The following DCLK3 variants were observed in gnomAD, a reference collection of about 807,000 sequenced individuals.
The protein encoded by DCLK3 is serine/threonine-protein kinase DCLK3.
DCLK3 carries 30 observed loss-of-function variants against 46.4 expected under a neutral mutation model. The observed-to-expected ratio is 0.65, with a 90% CI of 0.48 to 0.88. DCLK3 has a LOEUF of 0.88. DCLK3 is among the 40% of genes least tolerant of loss of function. The pLI, the probability that DCLK3 is intolerant of heterozygous loss-of-function variation, is 0.00. For synonymous variants in DCLK3, 401 were observed against 339.2 expected (o/e 1.18, Z -2.00); for missense variants, 846 against 907.1 (o/e 0.93, Z 0.87).
chr3:36,726,559 C>T (rs1322901109), intron 2 of DCLK3, among the ~76,000 whole-genome samples: 2 of 152,122 alleles, frequency 1.3e-5, no homozygotes, highest in African/African-American at 4.8e-5. Context: ...CAGCCATGGG[C>T]AACACCTAGA....
intron 2 of DCLK3, among the ~76,000 whole-genome samples, chr3:36,724,486 T>C (rs1024718428): frequency 6.6e-6 from 1 of 152,186 alleles, no homozygotes; most frequent in Admixed American, 6.5e-5. Context: ...TCATCTTGAA[T>C]TGTAACTCCC....
chr3:36,748,791 T>C (rs976102733), intron 1 of DCLK3, among the ~76,000 whole-genome samples: 1 of 152,186 alleles, frequency 6.6e-6, no homozygotes, highest in African/African-American at 2.4e-5. Flanking sequence ...TTTGTCACAT[T>C]GTGCCTTTGG....
At chr3:36,721,439 A>G in intron 3 of DCLK3, 88 bp downstream of exon 3, 2 of 1,517,940 alleles carry the variant, frequency 1.3e-6, no homozygotes, top group East Asian at 2.3e-5. Context: ...TCTGAGATTT[A>G]TTCCATATTG....
chr3:36,727,120 T>TA (rs1403979826), intron 2 of DCLK3, among the ~76,000 whole-genome samples: 3 of 151,742 alleles, frequency 2.0e-5, no homozygotes, highest in African/African-American at 7.3e-5. Flanking sequence ...CCATCTCTAC[T>TA]AAAAATACAA....
rs536974652 is a variant in DCLK3, at chr3:36,758,704, A to G, written c.82+5478T>C. ...ATTACCCAGGCTCAGGTGTTTTCCT[A>G]TGGCAGCACAAACAGACTGAGACAG... On this transcript the variant is annotated intron_variant, in intron 1 of 4. Coordinates refer to ENST00000636136, the MANE Select transcript of DCLK3 (RefSeq NM_001394672.2). 4.6e-5 allele frequency among the ~76,000 whole-genome samples: 7 copies of G among 152,362 alleles called. No homozygotes were observed. In the East Asian group the frequency reaches 1.2e-3, roughly 25 times the overall value.
chr3:36,741,728 C>T (rs1214211928), intron 1 of DCLK3, among the ~76,000 whole-genome samples: 2 of 152,106 alleles, frequency 1.3e-5, no homozygotes, highest in East Asian at 1.9e-4. Context: ...GAGAGGAAGA[C>T]ACTGGTAACA....
In DCLK3 at chr3:36,738,714, G is replaced by A; in HGVS notation, c.453C>T (p.Gly151=). ...DRVRKLFNLK[G]REIRSVSDFF... is the part of the protein sequence containing the mutation. ...AATCAGAGACGCTCCTGATTTCCCTGCCCTTGAGGTTAAACAGTTTCCTCA... is the reference window on the plus strand; with the variant it reads ...AATCAGAGACGCTCCTGATTTCCCTACCCTTGAGGTTAAACAGTTTCCTCA... Residue 151 remains glycine, a synonymous_variant, in exon 2 of 5, where the codon GGC becomes GGT. Coordinates refer to ENST00000636136, the MANE Select transcript of DCLK3 (RefSeq NM_001394672.2). 3.0e-6 allele frequency: 4 copies of A among 1,320,132 alleles called. No homozygotes were observed. The highest frequency in any genetic ancestry group is 2.8e-5 in the East Asian group (1 of 35,756). The allele number at this position is 1,320,132 out of a possible 1,614,324, so 81.8% of individuals were successfully genotyped here.
intron 2 of DCLK3, among the ~76,000 whole-genome samples, chr3:36,724,775 T>C (rs1701105250): frequency 6.6e-6 from 1 of 152,158 alleles, no homozygotes; most frequent in Non-Finnish European, 1.5e-5. Context: ...CTCAGGTATC[T>C]CTTTATCAGC....
chr3:36,736,738 C>T (rs76995199), intron 2 of DCLK3, among the ~76,000 whole-genome samples: 2 of 152,294 alleles, frequency 1.3e-5, no homozygotes, highest in African/African-American at 4.8e-5. Context: ...CCAGCCTCAT[C>T]GGCACTCCTT....
intron 2 of DCLK3, among the ~76,000 whole-genome samples, chr3:36,736,055 G>C (rs73824467): frequency 6.6e-6 from 1 of 152,196 alleles, no homozygotes; most frequent in Admixed American, 6.5e-5. Context: ...TCCTGACAAA[G>C]ACCTCCTGGC....
intron 1 of DCLK3, among the ~76,000 whole-genome samples, chr3:36,753,555 C>T (rs1701461737): frequency 1.3e-5 from 2 of 152,200 alleles, no homozygotes; most frequent in South Asian, 4.1e-4. Flanking sequence ...GAAGCCTCTG[C>T]CGTTTTTGCC....
chr3:36,749,076 C>T (rs953617648), intron 1 of DCLK3, among the ~76,000 whole-genome samples: 4 of 152,206 alleles, frequency 2.6e-5, no homozygotes, highest in African/African-American at 9.7e-5. Context: ...GGGGCTTCAT[C>T]GCTCACTCAG....
At chr3:36,742,732 A>C (rs1321642749) in intron 1 of DCLK3, among the ~76,000 whole-genome samples, 1 of 152,236 alleles carries the variant, frequency 6.6e-6, no homozygotes, top group Non-Finnish European at 1.5e-5. Context: ...AAAGTAGTCT[A>C]GAGCAAAATT....
At chr3:36,746,498 A>G (rs147560773) in intron 1 of DCLK3, among the ~76,000 whole-genome samples, 35 of 152,196 alleles carry the variant, frequency 2.3e-4, no homozygotes, top group African/African-American at 7.9e-4. Flanking sequence ...CAGTTTTCCT[A>G]CTTACCCTTG....
At chr3:36,724,596 G>A (rs1181407293) in intron 2 of DCLK3, among the ~76,000 whole-genome samples, 2 of 152,028 alleles carry the variant, frequency 1.3e-5, no homozygotes, top group African/African-American at 2.4e-5. Context: ...TCAGTCTCAC[G>A]AGATCTGACA....
chr3:36,744,379 T>G (rs1351803917), intron 1 of DCLK3, among the ~76,000 whole-genome samples: 1 of 152,224 alleles, frequency 6.6e-6, no homozygotes, highest in Non-Finnish European at 1.5e-5. Context: ...GACAGGAAAT[T>G]TGACAAAGTA....
At chr3:36,725,572 G>T (rs762414694) in intron 2 of DCLK3, among the ~76,000 whole-genome samples, 26 of 152,294 alleles carry the variant, frequency 1.7e-4, no homozygotes, top group South Asian at 1.5e-3. Flanking sequence ...TGCCATGATT[G>T]CACCACTGCA....
intron 1 of DCLK3, among the ~76,000 whole-genome samples, chr3:36,756,480 T>C (rs1385835032): frequency 1.3e-5 from 2 of 152,118 alleles, no homozygotes; most frequent in African/African-American, 4.8e-5. Flanking sequence ...ACTGATAGCA[T>C]CTGCTAAAGA....
chr3:36,739,100 G>A lies in DCLK3; in HGVS notation c.83-16C>T, dbSNP rs926851496. 5.0e-6 allele frequency: 2 copies of A among 398,270 alleles called. No individual in the cohort carries two copies. The highest frequency in any genetic ancestry group is 4.1e-5 in the African/African-American group (2 of 48,640). The allele number at this position is 398,270 out of a possible 1,614,324, so 24.7% of individuals were successfully genotyped here. A position where few individuals can be genotyped will look rare whatever the true frequency, so the allele number is the denominator to read the frequency against. ...CCTTGCTGTCCTGCAACAAGAAAAGGACAACAGAGTATTAGTTAAGATGGG... is the reference window on the plus strand; with the variant it reads ...CCTTGCTGTCCTGCAACAAGAAAAGAACAACAGAGTATTAGTTAAGATGGG... On this transcript the variant is annotated splice_polypyrimidine_tract_variant and intron_variant, in intron 1 of 4. Coordinates refer to ENST00000636136, the MANE Select transcript of DCLK3 (RefSeq NM_001394672.2).
Sources: allele counts gnomAD v4.1 joint callset (sites outside exome capture counted in the v4.1 genomes callset), GRCh38; gene constraint gnomAD v4.1.1; transcripts MANE v1.5; gene names NCBI Gene and HGNC (gene_info 2026-07-23, HGNC 2026-07-21).